The following C5 variants were observed in gnomAD, a reference collection of about 807,000 sequenced individuals.
The protein encoded by C5 is C3 and PZP-like alpha-2-macroglobulin domain-containing protein 4.
A neutral mutation model predicts 218.8 loss-of-function variants in C5; 140 were observed. The ratio of observed to expected loss-of-function variants is 0.64; its 90% CI spans 0.56 to 0.74. C5 has a LOEUF of 0.74. Ranked by LOEUF, C5 falls within the 30% of genes least tolerant of loss-of-function variation. The probability of loss-of-function intolerance (pLI) is 0.00; values close to 1 mark genes in which losing one functional copy is unlikely to be tolerated. For missense variants in C5, 1,700 were observed against 1,969.6 expected (o/e 0.86, Z 2.59); for synonymous variants, 614 against 682.3 (o/e 0.90, Z 1.56).
upstream of C5, among the ~76,000 whole-genome samples, chr9:121,053,075 A>G (rs910435596): frequency 6.6e-6 from 1 of 152,232 alleles, no homozygotes; most frequent in Admixed American, 6.5e-5. Flanking sequence ...GGCTAGAGTA[A>G]GAGAGGTGAT....
intron 5 of C5, among the ~76,000 whole-genome samples, chr9:121,033,190 T>C (rs1490246351): frequency 6.6e-6 from 1 of 152,124 alleles, no homozygotes; most frequent in Admixed American, 6.5e-5. Context: ...TCAATGAATA[T>C]TTATCAAGGG....
chr9:121,045,219 A>G (rs1021580033), intron 2 of C5, among the ~76,000 whole-genome samples: 3 of 152,156 alleles, frequency 2.0e-5, no homozygotes, highest in African/African-American at 7.2e-5. Flanking sequence ...CCTATGTTTG[A>G]CTAGAAATTT....
chr9:121,066,781 T>C, the C5 span, among the ~76,000 whole-genome samples: 1 of 145,172 alleles, frequency 6.9e-6, no homozygotes, highest in Non-Finnish European at 1.5e-5. Context: ...ACCTGGGAGG[T>C]GGAGGTTACA....
intron 33 of C5, among the ~76,000 whole-genome samples, chr9:120,968,162 TA>T (rs1235848558): frequency 3.9e-5 from 6 of 152,196 alleles, no homozygotes; most frequent in Admixed American, 6.5e-5. Flanking sequence ...CAGATGTGAT[TA>T]AATTAAGGAT....
chr9:121,014,506 A>G (rs551623429), intron 16 of C5, among the ~76,000 whole-genome samples: 41 of 152,364 alleles, frequency 2.7e-4, no homozygotes, highest in Middle Eastern at 3.4e-3. Context: ...AAAACTTCTT[A>G]TATAACATGG....
At chr9:120,984,274 A>G (rs986564415) in intron 25 of C5, among the ~76,000 whole-genome samples, 1 of 152,104 alleles carries the variant, frequency 6.6e-6, no homozygotes, top group African/African-American at 2.4e-5. Context: ...TTCTTTCTCT[A>G]GAAACATCAG....
At chr9:121,059,850 T>C in the C5 span, among the ~76,000 whole-genome samples, 2 of 152,202 alleles carry the variant, frequency 1.3e-5, no homozygotes, top group South Asian at 4.1e-4. This position sits in a 1 kb window ranked among gnomAD's most constrained non-coding sequence, Gnocchi z 4.1. Context: ...CAGAGCCATG[T>C]GAAGTGAATC....
At chr9:121,047,740 T>A (rs2047640091) in intron 1 of C5, among the ~76,000 whole-genome samples, 1 of 152,208 alleles carries the variant, frequency 6.6e-6, no homozygotes, top group African/African-American at 2.4e-5. Context: ...TTAATTTGGA[T>A]CCACTTACAG....
At chr9:121,026,352 G>C (rs571336865) in intron 8 of C5, among the ~76,000 whole-genome samples, 2 of 152,232 alleles carry the variant, frequency 1.3e-5, no homozygotes, top group East Asian at 3.9e-4. Context: ...CTAAACTATG[G>C]ACAAATAACT....
chr9:120,959,244 CTTT>C (rs1294768858), intron 38 of C5, among the ~76,000 whole-genome samples: 7 of 118,346 alleles, frequency 5.9e-5, no homozygotes, highest in African/African-American at 3.1e-4. Flanking sequence ...TTCTTTCTTT[CTTT>C]CTTTCTTTCT....
In C5 at chr9:121,042,694, T is replaced by C. The variant is rs530114679; in HGVS notation, c.421+310A>G. On this transcript the variant is annotated intron_variant, in intron 3 of 40. Coordinates refer to ENST00000223642, the MANE Select transcript of C5 (RefSeq NM_001735.3). ...ACAGCAGTTGGTTTTTGTAACAACATAACATTTTACATTTTTACATAACAT... is the reference window on the plus strand; with the variant it reads ...ACAGCAGTTGGTTTTTGTAACAACACAACATTTTACATTTTTACATAACAT... Among the ~76,000 whole-genome samples the C allele has an allele frequency of 2.0e-5, 3 of 152,346 alleles. No homozygotes were observed. In the East Asian group the frequency reaches 5.8e-4, roughly 29 times the overall value.
In C5 at chr9:121,025,839, G is replaced by A. The variant is rs1201824958; in HGVS notation, c.874-259C>T. 1.4e-5 allele frequency: 5 copies of A among 362,366 alleles called. 1 individual carries two copies. The highest frequency in any genetic ancestry group is 1.5e-5 in the Non-Finnish European group (3 of 194,562). The allele number at this position is 362,366 out of a possible 1,614,324, so 22.4% of individuals were successfully genotyped here. On this transcript the variant is annotated intron_variant, in intron 8 of 40. Transcript: ENST00000223642. ...CTTTTTGGTAATAGCTGACAAACAC[G>A]ACTTCTTCCAATTCCTGCGTCATCA... is the stretch of plus-strand genomic sequence containing the variant.
chr9:121,048,733 T>C (rs1398226673), intron 1 of C5, among the ~76,000 whole-genome samples: 1 of 121,346 alleles, frequency 8.2e-6, no homozygotes, highest in African/African-American at 3.2e-5. Context: ...TTCATAGTTT[T>C]CTTTGTCTTT....
intron 5 of C5, among the ~76,000 whole-genome samples, chr9:121,033,101 G>A (rs1466741391): frequency 2.0e-5 from 3 of 151,902 alleles, no homozygotes; most frequent in Non-Finnish European, 4.4e-5. Flanking sequence ...TATATATACT[G>A]AGCCTACCTT....
chr9:120,977,370 T>C (rs1333812300), intron 28 of C5, among the ~76,000 whole-genome samples: 2 of 152,210 alleles, frequency 1.3e-5, no homozygotes, highest in African/African-American at 4.8e-5. Flanking sequence ...TATATGTAAA[T>C]ATTCCAAAAT....
chr9:121,015,286 G>A (rs1438906001), intron 15 of C5, 25 bp from the exon 16 acceptor site: 1 of 1,504,536 alleles, frequency 6.6e-7, no homozygotes, highest in Non-Finnish European at 9.2e-7. Context: ...AAAAGATAAA[G>A]AAGAAGGATT....
chr9:121,074,856 A>C, the C5 span: 1 of 456,232 alleles, frequency 2.2e-6, no homozygotes, highest in Middle Eastern at 3.3e-4. Context: ...CTGGCTGCAA[A>C]AGAGGCGGGA....
chr9:120,967,709 ATTCTT>A (rs993055606), intron 33 of C5, among the ~76,000 whole-genome samples: 14 of 151,864 alleles, frequency 9.2e-5, no homozygotes, highest in Admixed American at 7.2e-4. Context: ...ATACCTACAT[ATTCTT>A]TTCTTTTTCT....
At position 120,981,996 on chromosome 9, in the gene C5, A is replaced by C. The variant is rs2046997751; in HGVS notation, c.3391-57T>G. On this transcript the variant is annotated intron_variant, in intron 26 of 40. Coordinates refer to ENST00000223642, the MANE Select transcript of C5 (RefSeq NM_001735.3). ...GAAATGGTGTCTTTAAGGCGAAATG[A>C]CCTGATTCTACTCTGTTTTTTGTTT... 2.7e-6 allele frequency: 3 copies of C among 1,103,012 alleles called. No homozygotes were observed. In the South Asian group the frequency reaches 3.8e-5, roughly 14 times the overall value. 68.3% of individuals were successfully genotyped at this position (1,103,012 alleles called of 1,614,324 possible).
Sources: gnomAD v4.1 joint callset for allele counts (sites outside exome capture counted in the v4.1 genomes callset) on GRCh38, gnomAD v4.1.1 for gene constraint, Gnocchi (gnomAD v3.1) non-coding constraint, MANE v1.5 for transcripts, NCBI Gene and HGNC (gene_info 2026-07-23, HGNC 2026-07-21) for gene names.